The following BCAS3 variants were observed in gnomAD, a reference collection of about 807,000 sequenced individuals.
BCAS3 encodes the protein BCAS3 microtubule associated cell migration factor.
BCAS3 carries 53 observed loss-of-function variants against 116.1 expected under a neutral mutation model. The observed-to-expected ratio is 0.46, with a 90% CI of 0.37 to 0.57. The LOEUF (loss-of-function observed/expected upper bound fraction) is 0.57, where lower values mean the gene tolerates loss of function less well. Ranked by LOEUF, BCAS3 falls within the 20% of genes least tolerant of loss-of-function variation. The pLI is 0.00. For missense variants in BCAS3, 917 were observed against 1,165.4 expected (o/e 0.79, Z 3.10); for synonymous variants, 391 against 408.2 (o/e 0.96, Z 0.51).
chr17:60,925,086 AT>A (rs1174683346), intron 13 of BCAS3, among the ~76,000 whole-genome samples: 1 of 151,150 alleles, frequency 6.6e-6, no homozygotes, highest in Non-Finnish European at 1.5e-5. Context: ...TTATTTTACT[AT>A]TTTTTTAAAA....
intron 8 of BCAS3, among the ~76,000 whole-genome samples, chr17:60,868,912 A>G (rs982173313): frequency 6.6e-6 from 1 of 152,198 alleles, no homozygotes; most frequent in Non-Finnish European, 1.5e-5. Context: ...GGGATATAAC[A>G]AGCATTTGTA....
At chr17:60,724,129 AAATATT>A (rs1248447956) in intron 5 of BCAS3, among the ~76,000 whole-genome samples, 22 of 151,824 alleles carry the variant, frequency 1.4e-4, no homozygotes, top group African/African-American at 5.3e-4. Flanking sequence ...AAGGACATGC[AAATATT>A]CTTCTAGGCT....
In BCAS3 at chr17:61,235,783, T is replaced by G. The variant is rs1486827056; in HGVS notation, c.2426-132544T>G. ...GAGGCTGCAAAAGAGATGTGGAGACTGGGGGAAAAGGACTGATTATATGTT... is the reference window on the plus strand; with the variant it reads ...GAGGCTGCAAAAGAGATGTGGAGACGGGGGGAAAAGGACTGATTATATGTT... On this transcript the variant is annotated intron_variant, in intron 22 of 23. Coordinates refer to ENST00000407086, the MANE Select transcript of BCAS3 (RefSeq NM_017679.5). This position sits in a 1 kb window ranked among gnomAD's most constrained non-coding sequence, Gnocchi z 5.0. 6.6e-6 allele frequency among the ~76,000 whole-genome samples: 1 copy of G among 151,424 alleles called. No homozygotes were observed. Among genetic ancestry groups the G allele is most frequent in the Non-Finnish European group, 1.5e-5 (1 of 67,862 alleles).
chr17:60,829,995 T>G (rs2050771787), intron 7 of BCAS3, among the ~76,000 whole-genome samples: 2 of 152,108 alleles, frequency 1.3e-5, no homozygotes, highest in South Asian at 2.1e-4. Flanking sequence ...AAATTTGTAT[T>G]TATTTATTTA....
intron 6 of BCAS3, among the ~76,000 whole-genome samples, chr17:60,790,750 T>TC: frequency 6.7e-6 from 1 of 148,568 alleles, no homozygotes; most frequent in Non-Finnish European, 1.5e-5. Context: ...GTTTTTTTTT[T>TC]TTTTTTTTTT....
intron 6 of BCAS3, among the ~76,000 whole-genome samples, chr17:60,749,650 T>G (rs1425150245): frequency 6.6e-6 from 1 of 152,220 alleles, no homozygotes; most frequent in Non-Finnish European, 1.5e-5. Context: ...GGCTTACTAT[T>G]ACTTCTATTG....
intron 8 of BCAS3, 25 bp from the exon 9 acceptor site, chr17:60,874,637 G>GTTTT: frequency 6.5e-7 from 1 of 1,542,368 alleles, no homozygotes; most frequent in South Asian, 1.1e-5. Context: ...TTTTCTTTCT[G>GTTTT]TTTTTTTTCT....
rs530184066 is a variant in BCAS3, at chr17:61,285,829, C to G, written c.2426-82498C>G. On this transcript the variant is annotated intron_variant, in intron 22 of 23. Coordinates refer to ENST00000407086, the MANE Select transcript of BCAS3 (RefSeq NM_017679.5). This position sits in a 1 kb window ranked among gnomAD's most constrained non-coding sequence, Gnocchi z 5.4. ...CTGAGCCTCGAGTTTCTCATGTCTT[C>G]CCTCCCATCTCCAGTCCCTACTTTA... 6.6e-6 allele frequency among the ~76,000 whole-genome samples: 1 copy of G among 152,230 alleles called. No homozygotes were observed. Among genetic ancestry groups the G allele is most frequent in the East Asian group, 1.9e-4 (1 of 5,170 alleles).
At chr17:60,902,560 T>A (rs1234411286) in intron 10 of BCAS3, 60 bp from the exon 11 acceptor site, 1 of 1,352,386 alleles carries the variant, frequency 7.4e-7, no homozygotes, top group Non-Finnish European at 1.1e-6. Context: ...CCTGATAGCC[T>A]GTAGAGTTAA....
chr17:61,291,607 TCTGA>T (rs1364118455), intron 22 of BCAS3, among the ~76,000 whole-genome samples: 7 of 152,248 alleles, frequency 4.6e-5, no homozygotes, highest in Admixed American at 6.5e-5. Flanking sequence ...AGCTTTTTAT[TCTGA>T]CTAACAGCTT....
At position 61,204,367 on chromosome 17, in the gene BCAS3, G is replaced by A. The variant is rs569113160; in HGVS notation, c.2425+119803G>A. 3.1e-4 allele frequency among the ~76,000 whole-genome samples: 47 copies of A among 152,204 alleles called. No homozygotes were observed. The highest frequency in any genetic ancestry group is 1.1e-3 in the African/African-American group (44 of 41,536). ...GAAGATTCTAGATATCACATTTTAC[G>A]GGACCTTTACATTTAGTTCACTATT... is the stretch of plus-strand genomic sequence containing the variant. On this transcript the variant is annotated intron_variant, in intron 22 of 23. Coordinates refer to ENST00000407086, the MANE Select transcript of BCAS3 (RefSeq NM_017679.5). The surrounding 1 kb of genome is among the most constrained non-coding windows in gnomAD (Gnocchi z 4.2).
rs149869783 is a variant in BCAS3, at chr17:61,178,493, G to A, written c.2425+93929G>A. Among the ~76,000 whole-genome samples, 144 of 152,068 alleles carry A rather than the reference G, an allele frequency of 9.5e-4. 1 individual carries two copies. The highest frequency in any genetic ancestry group is 3.1e-3 in the African/African-American group (128 of 41,466). On this transcript the variant is annotated intron_variant, in intron 22 of 23. Transcript: ENST00000407086. ...AGATTGTTGTTATGAATATAGAGAT[G>A]GGTCATTATCCTACAGAAACCAGAT...
chr17:61,233,068 G>A lies in BCAS3; in HGVS notation c.2426-135259G>A, dbSNP rs541056589. ...CTGTAGCTAGACTGCGCTCTCTTGG[G>A]ACTAACCTGTGTGACTAATTTGAGT... is the stretch of plus-strand genomic sequence containing the variant. On this transcript the variant is annotated intron_variant, in intron 22 of 23. Transcript: ENST00000407086. The surrounding 1 kb of genome is among the most constrained non-coding windows in gnomAD (Gnocchi z 4.3). Among the ~76,000 whole-genome samples the A allele has an allele frequency of 1.4e-4, 21 of 152,258 alleles. No individual in the cohort carries two copies. The highest frequency in any genetic ancestry group is 5.1e-4 in the African/African-American group (21 of 41,540).
chr17:61,319,902 T>TA (rs990011359), intron 22 of BCAS3, among the ~76,000 whole-genome samples: 21 of 150,706 alleles, frequency 1.4e-4, no homozygotes, highest in South Asian at 4.2e-4. Context: ...TTTTATTTTT[T>TA]TTTTTTGAGA....
chr17:61,301,144 A>C (rs2053393722), intron 22 of BCAS3, among the ~76,000 whole-genome samples: 1 of 152,230 alleles, frequency 6.6e-6, no homozygotes, highest in Non-Finnish European at 1.5e-5. Context: ...TTTTGTAAAT[A>C]AAGTTTTATC....
intron 18 of BCAS3, 43 bp downstream of exon 18, chr17:61,038,097 G>A: frequency 6.5e-7 from 1 of 1,542,812 alleles, no homozygotes; most frequent in Non-Finnish European, 8.8e-7. Context: ...GCTTCATTAA[G>A]GTATAGAAGA....
In BCAS3 at chr17:61,387,096, T is replaced by G. The variant is rs989253687; in HGVS notation, c.2594-4881T>G. 6.6e-6 allele frequency among the ~76,000 whole-genome samples: 1 copy of G among 152,208 alleles called. No homozygotes were observed. Among genetic ancestry groups the G allele is most frequent in the African/African-American group, 2.4e-5 (1 of 41,454 alleles). Reference sequence around the variant, plus strand: ...CCCGACTTCACCTCCGACCTACTGCTGGGGCCCCTGGTTTGGCCTCTCCAG... The same window carrying G: ...CCCGACTTCACCTCCGACCTACTGCGGGGGCCCCTGGTTTGGCCTCTCCAG... On this transcript the variant is annotated intron_variant, in intron 23 of 23. Coordinates refer to ENST00000407086, the MANE Select transcript of BCAS3 (RefSeq NM_017679.5). This position sits in a 1 kb window ranked among gnomAD's most constrained non-coding sequence, Gnocchi z 6.2.
intron 7 of BCAS3, among the ~76,000 whole-genome samples, chr17:60,859,787 T>G (rs752540659): frequency 2.6e-5 from 4 of 152,250 alleles, no homozygotes; most frequent in South Asian, 2.1e-4. Context: ...CAAGCTGGTC[T>G]CAAACTCCTG....
intron 23 of BCAS3, chr17:61,389,918 A>G (rs1474443610): frequency 6.6e-6 from 1 of 152,126 alleles, no homozygotes; most frequent in Non-Finnish European, 1.5e-5. Flanking sequence ...GGCAGTGTGG[A>G]TGTGGAGGCA....
Sources: gnomAD v4.1 joint callset for allele counts (sites outside exome capture counted in the v4.1 genomes callset) on GRCh38, gnomAD v4.1.1 for gene constraint, Gnocchi (gnomAD v3.1) non-coding constraint, MANE v1.5 for transcripts, NCBI Gene and HGNC (gene_info 2026-07-23, HGNC 2026-07-21) for gene names.